The following ROPN1L variants were observed in gnomAD, a reference collection of about 807,000 sequenced individuals.
The protein encoded by ROPN1L is ropporin-1-like protein.
In ROPN1L, 23 loss-of-function variants were observed where a neutral mutation model predicts 22.7. That is an observed-to-expected ratio of 1.01 (90% CI 0.73 to 1.43). The LOEUF is 1.43. Ranked by LOEUF, ROPN1L falls within the 40% of genes most tolerant of loss-of-function variation. The pLI, the probability that ROPN1L is intolerant of heterozygous loss-of-function variation, is 0.00. For synonymous variants in ROPN1L, 116 were observed against 117.8 expected, an observed-to-expected ratio of 0.98 and a Z score of 0.10; for missense variants, 271 against 291.5, an observed-to-expected ratio of 0.93 and a Z score of 0.51.
At chr5:10,464,295 A>G (rs1735108803) in intron 4 of ROPN1L, among the ~76,000 whole-genome samples, 2 of 151,998 alleles carry the variant, frequency 1.3e-5, no homozygotes, top group Admixed American at 6.6e-5. Context: ...CTTATTCTTG[A>G]CACCATCCTG....
chr5:10,461,332 C>A lies in ROPN1L; in HGVS notation c.566C>A (p.Ser189Tyr), dbSNP rs36124677. 2,810 of 1,613,992 alleles carry A rather than the reference C, an allele frequency of 1.7e-3. 47 individuals are homozygous for A. In the African/African-American group the frequency reaches 0.031, roughly 18 times the overall value. Residue 189 changes from serine (S) to tyrosine (Y), a missense_variant, in exon 4 of 5, where the codon TCC (serine) becomes TAC (tyrosine). Physicochemically the swap from Ser to Tyr is moderately radical, Grantham distance 144. Transcript: ENST00000274134. ...GATGTGTCTCCCTTGGAGACGGAAT[C>A]CTACCTTGCCTCTCTAAAGGAAAAT... ...DSDVSPLETESYLASLKENID... is the reference protein window; with the variant it reads ...DSDVSPLETEYYLASLKENID...
downstream of ROPN1L, among the ~76,000 whole-genome samples, chr5:10,467,723 G>C (rs138239631): frequency 6.6e-6 from 1 of 152,218 alleles, no homozygotes; most frequent in East Asian, 1.9e-4. Flanking sequence ...GCAGCTTCCT[G>C]CATGACTCAG....
intron 4 of ROPN1L, among the ~76,000 whole-genome samples, chr5:10,464,309 G>A (rs1386811200): frequency 6.6e-6 from 1 of 152,146 alleles, no homozygotes; most frequent in Admixed American, 6.5e-5. Flanking sequence ...CATCCTGGCT[G>A]GTGTCTGCAG....
downstream of ROPN1L, among the ~76,000 whole-genome samples, chr5:10,469,903 T>C (rs887829186): frequency 1.3e-5 from 2 of 152,242 alleles, no homozygotes; most frequent in African/African-American, 2.4e-5. Flanking sequence ...TTGAAATGAT[T>C]GTGCTAAGAG....
downstream of ROPN1L, among the ~76,000 whole-genome samples, chr5:10,472,617 A>G (rs1389448907): frequency 6.6e-6 from 1 of 152,104 alleles, no homozygotes; most frequent in Non-Finnish European, 1.5e-5. Flanking sequence ...ATAATCTCAA[A>G]TTTTCATCCC....
chr5:10,442,295 CGG>C lies in ROPN1L; in HGVS notation c.131_131+1del, dbSNP rs772425865. 6.2e-7 allele frequency: 1 copy of C among 1,613,060 alleles called. No individual in the cohort carries two copies. Among genetic ancestry groups the C allele is most frequent in the Non-Finnish European group, 8.5e-7 (1 of 1,179,766 alleles). On this transcript the variant is annotated frameshift_variant and splice_region_variant, in exon 1 of 5. Transcript: ENST00000274134. LOFTEE classifies it high-confidence loss of function. ...CCGGCCGACGTGCTGCGGTGGTCCG[CGG>C]GGTAAGCGCCCTTGGCCCGGGGAGC...
chr5:10,469,039 C>A (rs563224535), downstream of ROPN1L, among the ~76,000 whole-genome samples: 94 of 152,254 alleles, frequency 6.2e-4, no homozygotes, highest in Non-Finnish European at 1.1e-3. Flanking sequence ...CCTGTAGTCC[C>A]AGCTACTTGG....
downstream of ROPN1L, among the ~76,000 whole-genome samples, chr5:10,470,007 G>C (rs552667790): frequency 2.0e-5 from 3 of 152,124 alleles, no homozygotes; most frequent in Non-Finnish European, 4.4e-5. Flanking sequence ...CTTACAAATC[G>C]TTTTCAAATG....
chr5:10,466,773 G>A (rs1220939246), downstream of ROPN1L, among the ~76,000 whole-genome samples: 2 of 152,082 alleles, frequency 1.3e-5, no homozygotes, highest in Admixed American at 6.5e-5. Flanking sequence ...TGTATGAATC[G>A]GTGAGGGCTG....
chr5:10,463,525 G>T (rs1039483252), intron 4 of ROPN1L, among the ~76,000 whole-genome samples: 3 of 152,164 alleles, frequency 2.0e-5, no homozygotes, highest in Admixed American at 1.3e-4. Context: ...GGTCCTCCAG[G>T]CTCCAGCCCC....
chr5:10,459,371 T>TTCCACCCTCATCACTGGGTTCC (rs1561175201), intron 3 of ROPN1L, among the ~76,000 whole-genome samples: 1 of 147,884 alleles, frequency 6.8e-6, no homozygotes, highest in African/African-American at 2.6e-5. Flanking sequence ...CACTGGGTTC[T>TTCCACCCTCATCACTGGGTTCC]TGCCTTCCAC....
At chr5:10,461,129 G>A in intron 3 of ROPN1L, 55 bp from the exon 4 acceptor site, 7 of 1,514,698 alleles carry the variant, frequency 4.6e-6, no homozygotes, top group Non-Finnish European at 6.3e-6. Flanking sequence ...TGCTTTCAAT[G>A]TGAGTGATGC....
chr5:10,464,981 T>C lies in ROPN1L; in HGVS notation c.*34T>C. 1.5e-6 allele frequency: 2 copies of C among 1,315,408 alleles called. No individual in the cohort carries two copies. The highest frequency in any genetic ancestry group is 2.1e-5 in the Admixed American group (1 of 46,868). The allele number at this position is 1,315,408 out of a possible 1,614,324, so 81.5% of individuals were successfully genotyped here. ...AGAATACATTTTAATGTCAAAATAG[T>C]GCTCTTTAAAATTCTGGCACCAAAT... On this transcript the variant is annotated 3_prime_UTR_variant, in exon 5 of 5. Coordinates refer to ENST00000274134, the MANE Select transcript of ROPN1L (RefSeq NM_031916.5).
chr5:10,463,069 TCTCA>T (rs771459615), intron 4 of ROPN1L, among the ~76,000 whole-genome samples: 1 of 152,162 alleles, frequency 6.6e-6, no homozygotes, highest in Non-Finnish European at 1.5e-5. Context: ...GCCACGCAAT[TCTCA>T]CTCTGATGAA....
At chr5:10,467,788 T>C (rs749936592), downstream of ROPN1L, among the ~76,000 whole-genome samples, 1 of 152,232 alleles carries the variant, frequency 6.6e-6, no homozygotes, top group Non-Finnish European at 1.5e-5. Flanking sequence ...CCCAAGTTTC[T>C]TTTTTCCTTT....
intron 3 of ROPN1L, among the ~76,000 whole-genome samples, chr5:10,460,066 G>T (rs1405549212): frequency 6.6e-6 from 1 of 152,194 alleles, no homozygotes; most frequent in Admixed American, 6.5e-5. Flanking sequence ...GAAGGGACTC[G>T]AGGTGGGGAC....
At chr5:10,466,344 G>T (rs1735153867), downstream of ROPN1L, among the ~76,000 whole-genome samples, 1 of 152,122 alleles carries the variant, frequency 6.6e-6, no homozygotes, top group Non-Finnish European at 1.5e-5. Context: ...GGAGGTGATG[G>T]GGAGGGGAAA....
intron 1 of ROPN1L, among the ~76,000 whole-genome samples, chr5:10,442,990 CAA>C (rs2126422045): frequency 6.6e-6 from 1 of 152,272 alleles, no homozygotes; most frequent in East Asian, 1.9e-4. Flanking sequence ...AGATGTAAAA[CAA>C]AAACTCACTT....
Position 10,465,016 on chromosome 5 carries a change from C to T in ROPN1L, c.*69C>T, listed in dbSNP as rs1226256668. Reference sequence around the variant, plus strand: ...AATTCTGGCACCAAATACAACTTACCCTGAATCACACACCTCTGTAGTGTG... The same window carrying T: ...AATTCTGGCACCAAATACAACTTACTCTGAATCACACACCTCTGTAGTGTG... On this transcript the variant is annotated 3_prime_UTR_variant, in exon 5 of 5. Transcript: ENST00000274134. 1.1e-6 allele frequency: 1 copy of T among 878,048 alleles called. No homozygotes were observed. The highest frequency in any genetic ancestry group is 1.7e-5 in the African/African-American group (1 of 59,316). 54.4% of individuals were successfully genotyped at this position (878,048 alleles called of 1,614,324 possible).
Sources: allele counts gnomAD v4.1 joint callset (sites outside exome capture counted in the v4.1 genomes callset), GRCh38; gene constraint gnomAD v4.1.1; transcripts MANE v1.5; gene names NCBI Gene and HGNC (gene_info 2026-07-23, HGNC 2026-07-21).